LSAMP: variants seen among roughly 807,000 people sequenced by gnomAD.
LSAMP encodes limbic system associated membrane protein.
LSAMP carries 7 observed loss-of-function variants against 38.6 expected under a neutral mutation model. The observed-to-expected ratio is 0.18, with a 90% CI of 0.10 to 0.34. LSAMP has a LOEUF of 0.34. Among genes scored for constraint, LSAMP ranks in the 10% least tolerant of loss-of-function variants. LSAMP has a pLI of 1.00. For synonymous variants in LSAMP, 154 were observed against 166.8 expected, an observed-to-expected ratio of 0.92 and a Z score of 0.59; for missense variants, 313 against 420.0, an observed-to-expected ratio of 0.75 and a Z score of 2.23.
chr3:116,050,502 G>A (rs1486869962), intron 2 of LSAMP, among the ~76,000 whole-genome samples: 7 of 150,534 alleles, frequency 4.7e-5, no homozygotes, highest in South Asian at 4.2e-4. Context: ...TTATTCTGAA[G>A]CCTGAATATG....
chr3:116,376,330 T>A (rs759618365), intron 1 of LSAMP, among the ~76,000 whole-genome samples: 1 of 152,064 alleles, frequency 6.6e-6, no homozygotes, highest in Non-Finnish European at 1.5e-5. Flanking sequence ...GGATAAAAAA[T>A]GTGATGGAAA....
intron 1 of LSAMP, among the ~76,000 whole-genome samples, chr3:116,301,691 G>A (rs968426851): frequency 3.9e-5 from 6 of 152,144 alleles, no homozygotes; most frequent in South Asian, 2.1e-4. Flanking sequence ...ATGGTAAAAT[G>A]TACTCCTGCC....
chr3:116,113,420 A>ATATATTT (rs1553705042), intron 1 of LSAMP, among the ~76,000 whole-genome samples: 3 of 51,044 alleles, frequency 5.9e-5, no homozygotes, highest in African/African-American at 1.9e-4. Flanking sequence ...ATATATATAT[A>ATATATTT]TTTTTTTTTT....
intron 1 of LSAMP, among the ~76,000 whole-genome samples, chr3:116,096,277 T>A (rs2107441991): frequency 6.6e-6 from 1 of 152,344 alleles, no homozygotes; most frequent in Non-Finnish European, 1.5e-5. Flanking sequence ...GATACATTTT[T>A]ATTTCCATAT....
chr3:115,888,328 C>T (rs907607336), intron 3 of LSAMP, among the ~76,000 whole-genome samples: 2 of 151,808 alleles, frequency 1.3e-5, no homozygotes, highest in Non-Finnish European at 2.9e-5. Flanking sequence ...TGCTGTTTAT[C>T]TTTCTATAAC....
chr3:115,835,853 T>C (rs1026310130), intron 6 of LSAMP, among the ~76,000 whole-genome samples: 1 of 152,192 alleles, frequency 6.6e-6, no homozygotes, highest in Admixed American at 6.5e-5. Context: ...CAGTGAACAA[T>C]TGTGTGTTAG....
chr3:116,005,406 G>C (rs1940127469), intron 3 of LSAMP, among the ~76,000 whole-genome samples: 1 of 152,066 alleles, frequency 6.6e-6, no homozygotes, highest in Non-Finnish European at 1.5e-5. Flanking sequence ...TCCCATCCCA[G>C]TCCCCAGTCT....
At chr3:116,233,343 G>C (rs1329892788) in intron 1 of LSAMP, among the ~76,000 whole-genome samples, 5 of 149,558 alleles carry the variant, frequency 3.3e-5, no homozygotes, top group African/African-American at 1.2e-4. Flanking sequence ...AACCCAGGAG[G>C]TGGAGCTTAC....
At chr3:116,042,875 T>C (rs1941205823) in intron 2 of LSAMP, among the ~76,000 whole-genome samples, 1 of 152,214 alleles carries the variant, frequency 6.6e-6, no homozygotes. Context: ...GTCAGAGTTG[T>C]ATAAACAACT....
chr3:115,891,126 G>A (rs887273442), intron 3 of LSAMP, among the ~76,000 whole-genome samples: 2 of 151,910 alleles, frequency 1.3e-5, no homozygotes, highest in Non-Finnish European at 2.9e-5. Context: ...AGGGAAGGCT[G>A]GGAACCAGAG....
chr3:116,444,773 G>A, intron 1 of LSAMP, 104 bp downstream of exon 1: 2 of 1,440,974 alleles, frequency 1.4e-6, no homozygotes, highest in Non-Finnish European at 1.9e-6. Flanking sequence ...AGGAGCTGGA[G>A]TTCAAGGAGA....
intron 1 of LSAMP, among the ~76,000 whole-genome samples, chr3:116,119,728 G>A (rs533998637): frequency 2.7e-5 from 4 of 149,946 alleles, no homozygotes; most frequent in Admixed American, 1.3e-4. Flanking sequence ...GTGCGATCTC[G>A]GCTCACTGCA....
At chr3:116,339,465 A>T (rs1411794469) in intron 1 of LSAMP, among the ~76,000 whole-genome samples, 1 of 151,572 alleles carries the variant, frequency 6.6e-6, no homozygotes, top group Non-Finnish European at 1.5e-5. Flanking sequence ...GCCACTAATG[A>T]AGTTTTTTTT....
chr3:116,090,794 G>T (rs1708104815), intron 1 of LSAMP, among the ~76,000 whole-genome samples: 1 of 152,158 alleles, frequency 6.6e-6, no homozygotes, highest in Admixed American at 6.5e-5. Flanking sequence ...GAGGGAATGT[G>T]TGAATAGGTG....
At chr3:116,188,130 G>T (rs1421067300) in intron 1 of LSAMP, among the ~76,000 whole-genome samples, 1 of 152,100 alleles carries the variant, frequency 6.6e-6, no homozygotes, top group East Asian at 1.9e-4. Flanking sequence ...CCTTACTGGT[G>T]TCAAATATCA....
At chr3:115,868,356 C>A (rs1935919777) in intron 3 of LSAMP, among the ~76,000 whole-genome samples, 1 of 152,094 alleles carries the variant, frequency 6.6e-6, no homozygotes, top group African/African-American at 2.4e-5. Context: ...ATGTGTCTGA[C>A]CTCCCACTCC....
intron 1 of LSAMP, among the ~76,000 whole-genome samples, chr3:116,291,609 A>G (rs373659642): frequency 6.6e-6 from 1 of 152,184 alleles, no homozygotes; most frequent in African/African-American, 2.4e-5. Flanking sequence ...CTGAGTTAGA[A>G]TAGGGGGTAG....
intron 3 of LSAMP, among the ~76,000 whole-genome samples, chr3:115,985,173 C>A (rs1939474362): frequency 6.6e-6 from 1 of 152,128 alleles, no homozygotes; most frequent in South Asian, 2.1e-4. Flanking sequence ...AAATAAGAAA[C>A]ATTTAGGATA....
rs549765025 is a variant in LSAMP at position 116,431,099 on chromosome 3, T to C, written c.155+13778A>G. 3.3e-5 allele frequency among the ~76,000 whole-genome samples: 5 copies of C among 152,176 alleles called. No homozygotes were observed. The South Asian group carries it at 1.0e-3, about 32-fold the overall frequency. On this transcript the variant is annotated intron_variant, in intron 1 of 6. Coordinates refer to ENST00000490035, the MANE Select transcript of LSAMP (RefSeq NM_002338.5). ...TCCCCTTATCTTTGTCTCATACACA[T>C]GATGGAAAATTTGCTTCCTATGGTT... is the stretch of plus-strand genomic sequence containing the variant.
Sources: allele counts gnomAD v4.1 joint callset (sites outside exome capture counted in the v4.1 genomes callset), GRCh38; gene constraint gnomAD v4.1.1; transcripts MANE v1.5; gene names NCBI Gene and HGNC (gene_info 2026-07-23, HGNC 2026-07-21).